Variants in CRACD observed in about 807,000 individuals in gnomAD.
The protein encoded by CRACD is capping protein-inhibiting regulator of actin dynamics.
In CRACD, 56 loss-of-function variants were observed where a neutral mutation model predicts 106.8. That is an observed-to-expected ratio of 0.52 (90% CI 0.42 to 0.66). CRACD has a LOEUF of 0.66. CRACD is among the 30% of genes least tolerant of loss of function. CRACD has a pLI of 0.00. For missense variants in CRACD, 1,730 were observed against 1,623.2 expected, an observed-to-expected ratio of 1.07 and a Z score of -1.13; for synonymous variants, 754 against 670.8, an observed-to-expected ratio of 1.12 and a Z score of -1.92.
At chr4:56,227,802 T>C (rs1739386103) in intron 2 of CRACD, among the ~76,000 whole-genome samples, 1 of 152,212 alleles carries the variant, frequency 6.6e-6, no homozygotes, top group Non-Finnish European at 1.5e-5. Flanking sequence ...ACAAGTGTGT[T>C]ATATCTGGCA....
rs1449658106 is a variant in CRACD at position 56,049,317 on chromosome 4, C to T, written c.-336+18C>T. On this transcript the variant is annotated intron_variant, in intron 1 of 10. Transcript: ENST00000682029. ...GACCTCAGGTGAGCGCCTGCTCGGC[C>T]CGCGGCCGGAGCCAGACAATGGGGA... The T allele has an allele frequency of 1.3e-5, 2 of 151,734 alleles. No individual in the cohort carries two copies. Among genetic ancestry groups the T allele is most frequent in the Non-Finnish European group, 2.9e-5 (2 of 67,902 alleles). 9.4% of individuals were successfully genotyped at this position (151,734 alleles called of 1,614,324 possible). A position where few individuals can be genotyped will look rare whatever the true frequency, so the allele number is the denominator to read the frequency against.
At chr4:56,175,837 C>T (rs1010088905) in intron 1 of CRACD, among the ~76,000 whole-genome samples, 2 of 152,198 alleles carry the variant, frequency 1.3e-5, no homozygotes, top group African/African-American at 4.8e-5. Flanking sequence ...CCTTTGAGGT[C>T]TTACTCAATA....
intron 2 of CRACD, among the ~76,000 whole-genome samples, chr4:56,188,705 CACACACAGAG>C (rs1560477297): frequency 1.5e-5 from 2 of 136,096 alleles, no homozygotes; most frequent in East Asian, 2.1e-4. Context: ...CACACACACA[CACACACAGAG>C]AGAGAGAGAG....
chr4:56,265,629 C>T (rs1741974277), intron 2 of CRACD, among the ~76,000 whole-genome samples: 1 of 152,136 alleles, frequency 6.6e-6, no homozygotes, highest in African/African-American at 2.4e-5. Context: ...ATCCTCTGCT[C>T]TTTTGGAGAG....
At chr4:56,177,311 T>TCATATTGAA (rs1475231262) in intron 1 of CRACD, among the ~76,000 whole-genome samples, 1 of 152,252 alleles carries the variant, frequency 6.6e-6, no homozygotes, top group Non-Finnish European at 1.5e-5. Context: ...TTAGGAGGCA[T>TCATATTGAA]CTATTGAAAT....
chr4:56,322,664 T>C (rs1177743778), intron 8 of CRACD, among the ~76,000 whole-genome samples: 3 of 152,200 alleles, frequency 2.0e-5, no homozygotes, highest in African/African-American at 4.8e-5. Flanking sequence ...CTTTCCAACA[T>C]TGGAGTTCCA....
intron 1 of CRACD, among the ~76,000 whole-genome samples, chr4:56,119,592 C>T (rs1410652584): frequency 6.6e-6 from 1 of 152,112 alleles, no homozygotes; most frequent in Non-Finnish European, 1.5e-5. Context: ...TCCTTGGCCT[C>T]CCAAAGTACT....
chr4:56,233,582 C>T (rs1739773259), intron 2 of CRACD, among the ~76,000 whole-genome samples: 1 of 152,136 alleles, frequency 6.6e-6, no homozygotes, highest in African/African-American at 2.4e-5. Context: ...TATGCCAATA[C>T]CACACTGTAT....
intron 5 of CRACD, chr4:56,308,746 GGCCCATCTCTCCCGGCAGCTCT>G (rs1744928875): frequency 1.0e-6 from 1 of 985,312 alleles, no homozygotes; most frequent in Middle Eastern, 5.2e-4. Context: ...AGCAGGGATG[GGCCCATCTCTCCCGGCAGCTCT>G]AAAATTGCTC....
chr4:56,280,042 G>A (rs1278596555), intron 3 of CRACD, among the ~76,000 whole-genome samples: 1 of 149,044 alleles, frequency 6.7e-6, no homozygotes, highest in Non-Finnish European at 1.5e-5. Context: ...CTATCGCAAG[G>A]ACAAAAAACC....
chr4:56,103,523 G>A (rs1167752745), intron 1 of CRACD, among the ~76,000 whole-genome samples: 2 of 152,166 alleles, frequency 1.3e-5, no homozygotes, highest in Non-Finnish European at 2.9e-5. Context: ...TACAACATAA[G>A]AATAAGAAGC....
chr4:56,178,415 T>G (rs17086382), intron 1 of CRACD, among the ~76,000 whole-genome samples: 3,181 of 152,356 alleles, frequency 0.021, 87 homozygotes, highest in African/African-American at 0.061. Flanking sequence ...GCCTCAATTT[T>G]ATTTCCCTTC....
intron 1 of CRACD, among the ~76,000 whole-genome samples, chr4:56,152,552 A>G (rs1483701669): frequency 6.6e-6 from 1 of 151,880 alleles, no homozygotes; most frequent in East Asian, 2.0e-4. Flanking sequence ...AGGTGGGAGA[A>G]TCTCTCTTTC....
chr4:56,102,025 C>T (rs1733790566), intron 1 of CRACD, among the ~76,000 whole-genome samples: 1 of 152,120 alleles, frequency 6.6e-6, no homozygotes, highest in Non-Finnish European at 1.5e-5. Flanking sequence ...CTTGCTCCTA[C>T]TAAAAATGAT....
intron 3 of CRACD, among the ~76,000 whole-genome samples, chr4:56,280,599 C>T (rs687393): frequency 0.47 from 71,829 of 152,050 alleles, 17,922 homozygotes; most frequent in African/African-American, 0.64. Flanking sequence ...ACGCTGGGCC[C>T]GGCACATAGC....
At chr4:56,107,031 C>T (rs903678193) in intron 1 of CRACD, among the ~76,000 whole-genome samples, 8 of 152,234 alleles carry the variant, frequency 5.3e-5, no homozygotes, top group Admixed American at 2.0e-4. Context: ...AGTGCAGTGA[C>T]GTGGCCATAG....
chr4:56,081,664 C>G (rs1577950838), intron 1 of CRACD, among the ~76,000 whole-genome samples: 1 of 152,064 alleles, frequency 6.6e-6, no homozygotes, highest in East Asian at 1.9e-4. Flanking sequence ...GGTTATTGGG[C>G]ATGGGGTAGT....
chr4:56,202,796 A>G (rs1264285903), intron 2 of CRACD, among the ~76,000 whole-genome samples: 2 of 152,348 alleles, frequency 1.3e-5, no homozygotes, highest in African/African-American at 4.8e-5. Flanking sequence ...TGATCACTAT[A>G]AAACATTTTG....
At chr4:56,153,733 T>G (rs546199574) in intron 1 of CRACD, among the ~76,000 whole-genome samples, 79 of 152,334 alleles carry the variant, frequency 5.2e-4, no homozygotes, top group African/African-American at 1.9e-3. Context: ...CATGTTCCTC[T>G]TTCTCTTGCT....
Sources: gnomAD v4.1 joint callset for allele counts (sites outside exome capture counted in the v4.1 genomes callset) on GRCh38, gnomAD v4.1.1 for gene constraint, MANE v1.5 for transcripts, NCBI Gene and HGNC (gene_info 2026-07-23, HGNC 2026-07-21) for gene names.